The following UBE2E2 variants were observed in gnomAD, a reference collection of about 807,000 sequenced individuals.
UBE2E2 encodes the protein ubiquitin-conjugating enzyme E2 E2.
Under a neutral mutation model 24.7 loss-of-function variants are expected in UBE2E2, and 6 were observed. The ratio of observed to expected loss-of-function variants is 0.24; its 90% confidence interval spans 0.13 to 0.48. The LOEUF (loss-of-function observed/expected upper bound fraction) is 0.48. UBE2E2 is among the 20% of genes least tolerant of loss of function. The probability of loss-of-function intolerance (pLI) is 0.99; values close to 1 mark genes in which losing one functional copy is unlikely to be tolerated. For missense variants in UBE2E2, 169 were observed against 245.0 expected, an observed-to-expected ratio of 0.69 and a Z score of 2.07; for synonymous variants, 104 against 83.6, an observed-to-expected ratio of 1.24 and a Z score of -1.33.
rs1015856179 is a variant in UBE2E2, at chr3:23,583,262, C to G, written c.509-6472C>G. Among the ~76,000 whole-genome samples the G allele has an allele frequency of 4.6e-5, 7 of 152,026 alleles. No homozygotes were observed. Among genetic ancestry groups the G allele is most frequent in the African/African-American group, 1.7e-4 (7 of 41,392 alleles). On this transcript the variant is annotated intron_variant, in intron 5 of 5. Transcript: ENST00000396703. The surrounding 1 kb of genome is among the most constrained non-coding windows in gnomAD (Gnocchi z 4.1). ...GTAAATATGTGGCATTATTTCTGGG[C>G]TCTTTATTTTGTTCCACTAGTCTAT...
intron 3 of UBE2E2, among the ~76,000 whole-genome samples, chr3:23,325,867 T>TC (rs1666741892): frequency 6.6e-6 from 1 of 152,224 alleles, no homozygotes; most frequent in Non-Finnish European, 1.5e-5. Flanking sequence ...TCACCCTTTT[T>TC]CACTTTCCAG....
intron 3 of UBE2E2, among the ~76,000 whole-genome samples, chr3:23,328,143 T>G (rs1191581218): frequency 6.6e-6 from 1 of 152,124 alleles, no homozygotes; most frequent in African/African-American, 2.4e-5. Flanking sequence ...TCTGGATAAT[T>G]TGCGACAATA....
At chr3:23,508,070 G>A (rs1051024885) in intron 4 of UBE2E2, among the ~76,000 whole-genome samples, 1 of 152,192 alleles carries the variant, frequency 6.6e-6, no homozygotes, top group African/African-American at 2.4e-5. Flanking sequence ...TGACTGGGCT[G>A]TCATAGGTTT....
intron 3 of UBE2E2, among the ~76,000 whole-genome samples, chr3:23,370,505 T>C (rs1696374503): frequency 1.3e-5 from 2 of 152,218 alleles, no homozygotes; most frequent in Admixed American, 1.3e-4. Context: ...TTATATAGCC[T>C]TTCTGTATAA....
At chr3:23,443,327 C>T (rs1375973243) in intron 3 of UBE2E2, among the ~76,000 whole-genome samples, 2 of 152,176 alleles carry the variant, frequency 1.3e-5, no homozygotes, top group Non-Finnish European at 2.9e-5. Flanking sequence ...TATTAGGGAA[C>T]ATAATCCCAA....
At chr3:23,265,143 G>T (rs1350699608) in intron 3 of UBE2E2, among the ~76,000 whole-genome samples, 1 of 152,186 alleles carries the variant, frequency 6.6e-6, no homozygotes, top group African/African-American at 2.4e-5. Context: ...AGGAATTGAA[G>T]AGGCTTCAGA....
At position 23,252,566 on chromosome 3, in the gene UBE2E2, A is replaced by G. The variant is rs973542217; in HGVS notation, c.227+35254A>G. ...GGCTGGAGTGCAGTAGCACGATCTC[A>G]GCTCACTGCAACCTCTGCCTCCTCG... On this transcript the variant is annotated intron_variant, in intron 3 of 5. Transcript: ENST00000396703. Among the ~76,000 whole-genome samples the G allele has an allele frequency of 5.3e-5, 8 of 152,252 alleles. No individual in the cohort carries two copies. The East Asian group carries it at 1.5e-3, about 29-fold the overall frequency.
At chr3:23,470,478 A>G (rs562677071) in intron 3 of UBE2E2, among the ~76,000 whole-genome samples, 2 of 152,186 alleles carry the variant, frequency 1.3e-5, no homozygotes, top group South Asian at 2.1e-4. Flanking sequence ...TTTTTCCTCA[A>G]GTTGTTATTT....
At chr3:23,301,147 G>A (rs1457001369) in intron 3 of UBE2E2, among the ~76,000 whole-genome samples, 1 of 151,986 alleles carries the variant, frequency 6.6e-6, no homozygotes, top group Non-Finnish European at 1.5e-5. Context: ...GGTCCTTTAA[G>A]GACTTGTCTG....
chr3:23,505,786 C>G (rs528367708), intron 4 of UBE2E2, among the ~76,000 whole-genome samples: 1 of 152,128 alleles, frequency 6.6e-6, no homozygotes, highest in African/African-American at 2.4e-5. Flanking sequence ...TCAGCTAATG[C>G]GGAAGGCCTT....
intron 5 of UBE2E2, among the ~76,000 whole-genome samples, chr3:23,540,169 C>T (rs886999619): frequency 6.6e-6 from 1 of 151,764 alleles, no homozygotes; most frequent in Non-Finnish European, 1.5e-5. Context: ...ACTCAAGCAA[C>T]CCTCCTGCTT....
At chr3:23,270,150 TC>T (rs1698195359) in intron 3 of UBE2E2, among the ~76,000 whole-genome samples, 1 of 99,876 alleles carries the variant, frequency 1.0e-5, no homozygotes, top group Non-Finnish European at 1.8e-5. Context: ...ACCCCCCTCC[TC>T]CTTTTTTTTT....
At position 23,415,195 on chromosome 3, in the gene UBE2E2, G is replaced by A. The variant is rs1050496416; in HGVS notation, c.228-84413G>A. Among the ~76,000 whole-genome samples, 7 of 152,282 alleles carry A rather than the reference G, an allele frequency of 4.6e-5. No individual in the cohort carries two copies. In the East Asian group the frequency reaches 1.3e-3, roughly 29 times the overall value. On this transcript the variant is annotated intron_variant, in intron 3 of 5. Coordinates refer to ENST00000396703, the MANE Select transcript of UBE2E2 (RefSeq NM_152653.4). ...TATAGATGAACTTTTCCTTGGTAAT[G>A]CAGGTAAAGATATTAGATGCAGGTA... is the stretch of plus-strand genomic sequence containing the variant.
intron 3 of UBE2E2, among the ~76,000 whole-genome samples, chr3:23,225,897 T>G (rs910503898): frequency 7.2e-5 from 11 of 152,064 alleles, no homozygotes; most frequent in Admixed American, 2.0e-4. Flanking sequence ...TTTTTGTTTT[T>G]GAGACAGAGT....
At chr3:23,238,378 T>G (rs147038669) in intron 3 of UBE2E2, among the ~76,000 whole-genome samples, 4 of 152,320 alleles carry the variant, frequency 2.6e-5, no homozygotes, top group African/African-American at 9.6e-5. Flanking sequence ...ATCATGTATA[T>G]GAAAGCTTCT....
At chr3:23,459,537 A>G (rs1698761948) in intron 3 of UBE2E2, among the ~76,000 whole-genome samples, 1 of 152,232 alleles carries the variant, frequency 6.6e-6, no homozygotes, top group Non-Finnish European at 1.5e-5. Context: ...TTTATGAAAC[A>G]TTTAAACTAT....
At chr3:23,297,841 G>C (rs1183617003) in intron 3 of UBE2E2, among the ~76,000 whole-genome samples, 2 of 152,276 alleles carry the variant, frequency 1.3e-5, no homozygotes, top group Admixed American at 6.5e-5. Context: ...TTGGTAGCTT[G>C]ATGGGGATGG....
At chr3:23,384,243 G>T (rs1453701353) in intron 3 of UBE2E2, among the ~76,000 whole-genome samples, 1 of 152,084 alleles carries the variant, frequency 6.6e-6, no homozygotes, top group Admixed American at 6.6e-5. Flanking sequence ...GCTCACTACA[G>T]CCTCGACCTC....
chr3:23,495,526 G>C (rs1392243520), intron 3 of UBE2E2, among the ~76,000 whole-genome samples: 1 of 152,130 alleles, frequency 6.6e-6, no homozygotes, highest in Non-Finnish European at 1.5e-5. Flanking sequence ...AGCTGTATAC[G>C]CTCACCTGTG....
Sources: allele counts gnomAD v4.1 joint callset (sites outside exome capture counted in the v4.1 genomes callset), GRCh38; gene constraint gnomAD v4.1.1; non-coding constraint Gnocchi (gnomAD v3.1); transcripts MANE v1.5; gene names NCBI Gene and HGNC (gene_info 2026-07-23, HGNC 2026-07-21).